The following ZNF560 variants were observed in gnomAD, a reference collection of about 807,000 sequenced individuals.
ZNF560 encodes zinc finger protein 560.
Under a neutral mutation model 81.8 loss-of-function variants are expected in ZNF560, and 54 were observed. That is an observed-to-expected ratio of 0.66 (90% confidence interval 0.53 to 0.83). The LOEUF is 0.83. Among genes scored for constraint, ZNF560 ranks in the 40% least tolerant of loss-of-function variants. ZNF560 has a pLI of 0.00. For synonymous variants in ZNF560, 321 were observed against 317.9 expected (o/e 1.01, Z -0.10); for missense variants, 940 against 932.4 (o/e 1.01, Z -0.11).
chr19:9,474,779 C>G (rs2073174127), intron 3 of ZNF560, among the ~76,000 whole-genome samples: 3 of 151,306 alleles, frequency 2.0e-5, no homozygotes, highest in Non-Finnish European at 4.4e-5. Flanking sequence ...CTGCCTCAGC[C>G]TCCTGAGTAG....
chr19:9,470,601 C>G, intron 6 of ZNF560, 83 bp from the exon 7 acceptor site: 1 of 1,601,862 alleles, frequency 6.2e-7, no homozygotes, highest in Non-Finnish European at 8.5e-7. Flanking sequence ...GGGACCCAAT[C>G]CCTGTACAGG....
At chr19:9,483,218 G>A (rs1385852548) in intron 2 of ZNF560, among the ~76,000 whole-genome samples, 1 of 151,884 alleles carries the variant, frequency 6.6e-6, no homozygotes, top group Non-Finnish European at 1.5e-5. Context: ...AGGAAGAGAG[G>A]AGCGTCTCTG....
chr19:9,503,252 C>T (rs1004549201), upstream of ZNF560, among the ~76,000 whole-genome samples: 116 of 152,224 alleles, frequency 7.6e-4, 1 homozygote, highest in Non-Finnish European at 1.0e-4. Context: ...TTCCACTGAG[C>T]ACTCTCTTCA....
chr19:9,488,750 C>G lies in ZNF560; in HGVS notation c.-57+9378G>C, dbSNP rs556677604. ...GGCCCAAATTCATTGATATGGAGCA[C>G]TGATATGGTTTGGATCTGTGTCCCC... On this transcript the variant is annotated intron_variant, in intron 2 of 9. Transcript: ENST00000301480. 8.5e-5 allele frequency among the ~76,000 whole-genome samples: 13 copies of G among 152,254 alleles called. No individual in the cohort carries two copies. In the East Asian group the frequency reaches 2.3e-3, roughly 27 times the overall value.
At chr19:9,505,790 T>C in the ZNF560 span, among the ~76,000 whole-genome samples, 1 of 152,050 alleles carries the variant, frequency 6.6e-6, no homozygotes, top group Non-Finnish European at 1.5e-5. Flanking sequence ...CAGCCTCCTG[T>C]GTAGCTGGGA....
intron 2 of ZNF560, among the ~76,000 whole-genome samples, chr19:9,495,169 A>T (rs1242344893): frequency 6.6e-6 from 1 of 152,098 alleles, no homozygotes; most frequent in Non-Finnish European, 1.5e-5. Flanking sequence ...ATAAATAATA[A>T]TAAAATTCTA....
chr19:9,500,937 T>C (rs2144738899), upstream of ZNF560, among the ~76,000 whole-genome samples: 1 of 151,006 alleles, frequency 6.6e-6, no homozygotes, highest in Middle Eastern at 3.4e-3. Flanking sequence ...CCTGCATTAG[T>C]TGAGGTGATT....
At chr19:9,492,161 C>T (rs2073484353) in intron 2 of ZNF560, among the ~76,000 whole-genome samples, 1 of 151,674 alleles carries the variant, frequency 6.6e-6, no homozygotes, top group Admixed American at 6.6e-5. Context: ...GGGTGGTTTT[C>T]GTAGGGGGGT....
the ZNF560 span, among the ~76,000 whole-genome samples, chr19:9,449,996 A>AC: frequency 1.7e-3 from 197 of 115,872 alleles, no homozygotes; most frequent in African/African-American, 5.9e-3. Context: ...AAAAAAAAAA[A>AC]AACAACTGAA....
At chr19:9,471,464 T>C (rs2073121594) in intron 5 of ZNF560, 86 bp from the exon 6 acceptor site, 1 of 821,856 alleles carries the variant, frequency 1.2e-6, no homozygotes, top group Non-Finnish European at 1.8e-6. Flanking sequence ...GCCTCATTCA[T>C]ATTTGTTTTT....
the ZNF560 span, among the ~76,000 whole-genome samples, chr19:9,455,816 T>A: frequency 6.6e-6 from 1 of 152,168 alleles, no homozygotes; most frequent in East Asian, 1.9e-4. Flanking sequence ...TGCATAAAGC[T>A]ACTCTGTTAA....
the ZNF560 span, among the ~76,000 whole-genome samples, chr19:9,450,551 ATTTG>A: frequency 9.9e-5 from 15 of 152,158 alleles, no homozygotes; most frequent in Middle Eastern, 6.8e-3. Context: ...ATCAGCATTT[ATTTG>A]TTTGTTTATT....
At chr19:9,491,215 T>C (rs1056601465) in intron 2 of ZNF560, among the ~76,000 whole-genome samples, 9 of 152,218 alleles carry the variant, frequency 5.9e-5, no homozygotes, top group Admixed American at 2.6e-4. Flanking sequence ...TAGGCTCAAG[T>C]GATCCTCCCA....
rs1376388250 is a variant in ZNF560, at chr19:9,467,893, C to G, written c.1054G>C (p.Glu352Gln). ...GGGTATCTAAAATCTTTTCCACATT[C>G]CTTACATTCATAGGGGTTTTTAATA... is the stretch of plus-strand genomic sequence containing the variant. ...HIIKNPYECK[E>Q]CGKDFRYPTH... The change falls in exon 10 of 10, where the codon GAA (glutamate) becomes CAA (glutamine). Residue 352 changes from glutamate (E) to glutamine (Q), a missense_variant. Physicochemically the swap from Glu to Gln is conservative, Grantham distance 29. Transcript: ENST00000301480. The G allele has an allele frequency of 1.2e-6, 2 of 1,614,164 alleles. No individual in the cohort carries two copies. Among genetic ancestry groups the G allele is most frequent in the Non-Finnish European group, 8.5e-7 (1 of 1,180,036 alleles).
chr19:9,460,822 AT>A, the ZNF560 span, among the ~76,000 whole-genome samples: 1 of 152,182 alleles, frequency 6.6e-6, no homozygotes, highest in Non-Finnish European at 1.5e-5. Flanking sequence ...ATTTGGGAAG[AT>A]TGCATTGCAG....
the ZNF560 span, among the ~76,000 whole-genome samples, chr19:9,450,375 CAA>C: frequency 6.6e-6 from 1 of 151,966 alleles, no homozygotes; most frequent in Non-Finnish European, 1.5e-5. Flanking sequence ...CCAGAACAAT[CAA>C]AGAAATAAAA....
chr19:9,483,169 G>A (rs1395144650), intron 2 of ZNF560, among the ~76,000 whole-genome samples: 1 of 150,848 alleles, frequency 6.6e-6, no homozygotes, highest in Non-Finnish European at 1.5e-5. Flanking sequence ...GCCCAGTCTG[G>A]GAAGTGAGGA....
At position 9,469,143 on chromosome 19, in the gene ZNF560, C is replaced by T. The variant is rs768360360; in HGVS notation, c.574G>A (p.Asp192Asn). 1 of 1,598,296 alleles carries T rather than the reference C, an allele frequency of 6.3e-7. No homozygotes were observed. The highest frequency in any genetic ancestry group is 8.5e-7 in the Non-Finnish European group (1 of 1,174,274). ...LKTKGPALWQ[D>N]NFCLKTLNGI... The stretch of plus-strand genomic sequence containing the variant: ...TTTAATGTTTTTAAACAAAAATTAT[C>T]TTGCCAAAGGGCTGGCCCTTTGGTT... The change falls in exon 9 of 10, where the codon GAT becomes AAT. Residue 192 changes from aspartate to asparagine, a missense_variant. Asp to Asn is a conservative substitution (Grantham distance 23, BLOSUM62 1). Transcript: ENST00000301480.
At chr19:9,460,992 C>T in the ZNF560 span, among the ~76,000 whole-genome samples, 177 of 152,218 alleles carry the variant, frequency 1.2e-3, 1 homozygote, top group African/African-American at 4.0e-3. Context: ...TAAGAAGTAC[C>T]GCAAGAGTTC....
Sources: gnomAD v4.1 joint callset for allele counts (sites outside exome capture counted in the v4.1 genomes callset) on GRCh38, gnomAD v4.1.1 for gene constraint, MANE v1.5 for transcripts, NCBI Gene and HGNC (gene_info 2026-07-23, HGNC 2026-07-21) for gene names.